ADAMTSL2: variants seen among roughly 807,000 people sequenced by gnomAD.
ADAMTSL2 encodes ADAMTS like 2.
Under a neutral mutation model 117.0 loss-of-function variants are expected in ADAMTSL2, and 55 were observed. That is an observed-to-expected ratio of 0.47 (90% confidence interval 0.38 to 0.59). The LOEUF is 0.59. ADAMTSL2 is among the 20% of genes least tolerant of loss of function. ADAMTSL2 has a pLI of 0.00. For synonymous variants in ADAMTSL2, 572 were observed against 566.4 expected, an observed-to-expected ratio of 1.01 and a Z score of -0.14; for missense variants, 1,182 against 1,354.5, an observed-to-expected ratio of 0.87 and a Z score of 2.00.
intron 9 of ADAMTSL2, among the ~76,000 whole-genome samples, chr9:133,551,567 A>G (rs971515280): frequency 3.3e-5 from 5 of 152,192 alleles, no homozygotes; most frequent in African/African-American, 1.2e-4. Flanking sequence ...GCAGTGTGCC[A>G]GAAGTTTTTT....
intron 11 of ADAMTSL2, 126 bp from the exon 12 acceptor site, chr9:133,561,072 G>C (rs1830716028): frequency 2.5e-6 from 2 of 815,012 alleles, no homozygotes; most frequent in Non-Finnish European, 4.2e-6. Flanking sequence ...TCGGCCCGGG[G>C]CTCAGGACAG....
At chr9:133,571,294 A>C (rs1158135128) in intron 17 of ADAMTSL2, among the ~76,000 whole-genome samples, 1 of 152,094 alleles carries the variant, frequency 6.6e-6, no homozygotes, top group African/African-American at 2.4e-5. Flanking sequence ...TGTAGCAGAC[A>C]TTGGAGGCCA....
chr9:133,552,535 G>A (rs1163583506), intron 9 of ADAMTSL2, among the ~76,000 whole-genome samples: 1 of 152,172 alleles, frequency 6.6e-6, no homozygotes, highest in African/African-American at 2.4e-5. Flanking sequence ...AAACACATAC[G>A]GTTGTCCACC....
chr9:133,569,633 CAG>C, intron 16 of ADAMTSL2, 55 bp downstream of exon 16: 2 of 1,528,788 alleles, frequency 1.3e-6, no homozygotes, highest in Non-Finnish European at 1.8e-6. Flanking sequence ...AGCATTTGGC[CAG>C]AGAGGAGAGC....
Position 133,568,759 on chromosome 9 carries a change from G to T in ADAMTSL2, c.2244+1G>T. 1.2e-6 allele frequency: 2 copies of T among 1,612,980 alleles called. No individual in the cohort carries two copies. The highest frequency in any genetic ancestry group is 8.5e-7 in the Non-Finnish European group (1 of 1,179,974). On this transcript the variant is annotated splice_donor_variant, in intron 15 of 18. Transcript: ENST00000651351. LOFTEE classifies it high-confidence loss of function. ...GTGGACCGTCTCCGACTGGGGACCG[G>T]TGAGGCCTGCACTGAGGGGTGGCTG...
rs909174959 is a variant in ADAMTSL2, at chr9:133,570,595, C to A, written c.2592+88C>A. On this transcript the variant is annotated intron_variant, in intron 17 of 18. Coordinates refer to ENST00000651351, the MANE Select transcript of ADAMTSL2 (RefSeq NM_014694.4). ...CTCCCGCCTCAAGCCTCCTTAAGTGCTTCCTGCTCCTCCCTCCCTGACAGC... is the reference window on the plus strand; with the variant it reads ...CTCCCGCCTCAAGCCTCCTTAAGTGATTCCTGCTCCTCCCTCCCTGACAGC... 2.4e-5 allele frequency: 34 copies of A among 1,397,662 alleles called. No individual in the cohort carries two copies. In the African/African-American group the frequency reaches 4.4e-4, roughly 18 times the overall value. The allele number at this position is 1,397,662 out of a possible 1,614,324, so 86.6% of individuals were successfully genotyped here. A position where few individuals can be genotyped will look rare whatever the true frequency, so the allele number is the denominator to read the frequency against.
chr9:133,546,403 G>A (rs1002812703), intron 8 of ADAMTSL2, among the ~76,000 whole-genome samples: 1 of 151,640 alleles, frequency 6.6e-6, no homozygotes, highest in African/African-American at 2.4e-5. Flanking sequence ...GGAAGAGGGT[G>A]ACTGAGATTG....
At chr9:133,572,619 C>T (rs1392553206) in intron 17 of ADAMTSL2, among the ~76,000 whole-genome samples, 1 of 152,122 alleles carries the variant, frequency 6.6e-6, no homozygotes, top group Non-Finnish European at 1.5e-5. Context: ...TGAGCCATGG[C>T]ACGGGGGGAG....
At position 133,555,000 on chromosome 9, in the gene ADAMTSL2, G is replaced by C. The variant is rs925200515; in HGVS notation, c.1276+307G>C. 1.3e-5 allele frequency among the ~76,000 whole-genome samples: 2 copies of C among 152,084 alleles called. No homozygotes were observed. Among genetic ancestry groups the C allele is most frequent in the African/African-American group, 2.4e-5 (1 of 41,420 alleles). Reference sequence around the variant, plus strand: ...TGGAGGAGCTGGGAGTCAAATGCAGGATGGTCTGATCTCTCGCTCACCCCA... The same window carrying C: ...TGGAGGAGCTGGGAGTCAAATGCAGCATGGTCTGATCTCTCGCTCACCCCA... On this transcript the variant is annotated intron_variant, in intron 10 of 18. Coordinates refer to ENST00000651351, the MANE Select transcript of ADAMTSL2 (RefSeq NM_014694.4). The surrounding 1 kb of genome is among the most constrained non-coding windows in gnomAD (Gnocchi z 5.2).
intron 4 of ADAMTSL2, among the ~76,000 whole-genome samples, chr9:133,538,857 C>G (rs767471798): frequency 6.6e-5 from 10 of 152,142 alleles, no homozygotes; most frequent in Non-Finnish European, 1.0e-4. Flanking sequence ...CCCTTCTGCT[C>G]CAGCCCCCAT....
At chr9:133,550,163 C>T (rs1000098328) in intron 9 of ADAMTSL2, among the ~76,000 whole-genome samples, 3 of 152,228 alleles carry the variant, frequency 2.0e-5, no homozygotes, top group Admixed American at 1.3e-4. Flanking sequence ...AGAGATGGGT[C>T]GGCTTGCCCT....
intron 9 of ADAMTSL2, 43 bp downstream of exon 9, chr9:133,547,256 A>C (rs753199351): frequency 1.9e-6 from 3 of 1,590,150 alleles, no homozygotes; most frequent in Non-Finnish European, 2.6e-6. Flanking sequence ...GGCCCTGGGC[A>C]CTGTTTCCCC....
intron 4 of ADAMTSL2, 74 bp downstream of exon 4, chr9:133,538,498 G>A: frequency 1.3e-6 from 2 of 1,550,786 alleles, no homozygotes; most frequent in South Asian, 2.2e-5. Context: ...GGGTCTTCCA[G>A]GTGGCTCCTG....
intron 12 of ADAMTSL2, among the ~76,000 whole-genome samples, chr9:133,563,040 G>T (rs926615864): frequency 1.3e-5 from 2 of 152,168 alleles, no homozygotes; most frequent in East Asian, 3.9e-4. Context: ...GGCTTGCACC[G>T]CCTGGTTGAC....
chr9:133,572,704 G>A (rs1372105171), intron 17 of ADAMTSL2, among the ~76,000 whole-genome samples: 2 of 152,222 alleles, frequency 1.3e-5, no homozygotes, highest in South Asian at 4.1e-4. Flanking sequence ...TAGCCCTGAT[G>A]AGGAGGTGGC....
chr9:133,561,705 G>A (rs1186654039), intron 12 of ADAMTSL2, among the ~76,000 whole-genome samples: 1 of 152,204 alleles, frequency 6.6e-6, no homozygotes, highest in Non-Finnish European at 1.5e-5. Context: ...GTGACGAAGG[G>A]AAGTAGGCAA....
rs1831022017 is a variant in ADAMTSL2 at position 133,568,259 on chromosome 9, C to G, written c.1875-14C>G. The stretch of plus-strand genomic sequence containing the variant: ...ATGGGGGGGATCATTGAAGGCCATC[C>G]GCTCCCGGGGCAGGTGGGAGACGAG... On this transcript the variant is annotated splice_polypyrimidine_tract_variant and intron_variant, in intron 13 of 18. Transcript: ENST00000651351. The G allele has an allele frequency of 1.3e-6, 2 of 1,553,492 alleles. No individual in the cohort carries two copies. The highest frequency in any genetic ancestry group is 2.4e-5 in the South Asian group (2 of 84,600).
chr9:133,534,837 C>T lies in ADAMTSL2; in HGVS notation c.-231C>T, dbSNP rs761700325. ...CCTCTGCACTCACGCCGCCCCCGCA[C>T]GCACAGCGCACCTGGCGCCGTCTGC... On this transcript the variant is annotated 5_prime_UTR_variant, in exon 1 of 19. In the 5' UTR this introduces an upstream ATG that the reference lacks. Transcript: ENST00000651351. 2.2e-5 allele frequency: 33 copies of T among 1,498,496 alleles called. No homozygotes were observed. In the South Asian group the frequency reaches 3.7e-4, roughly 17 times the overall value. 92.8% of individuals were successfully genotyped at this position (1,498,496 alleles called of 1,614,324 possible). A position where few individuals can be genotyped will look rare whatever the true frequency, so the allele number is the denominator to read the frequency against.
chr9:133,546,667 G>A (rs898016156), intron 8 of ADAMTSL2, among the ~76,000 whole-genome samples: 3 of 152,194 alleles, frequency 2.0e-5, no homozygotes, highest in East Asian at 1.9e-4. Context: ...CTGCTGCCTC[G>A]TGTGTGCCTT....
Sources: gnomAD v4.1 joint callset for allele counts (sites outside exome capture counted in the v4.1 genomes callset) on GRCh38, gnomAD v4.1.1 for gene constraint, Gnocchi (gnomAD v3.1) non-coding constraint, MANE v1.5 for transcripts, NCBI Gene and HGNC (gene_info 2026-07-23, HGNC 2026-07-21) for gene names.